Variants in WWOX observed in about 807,000 individuals in gnomAD.
WWOX encodes WW domain-containing oxidoreductase.
A neutral mutation model predicts 46.2 loss-of-function variants in WWOX; 69 were observed. The observed-to-expected ratio is 1.49, with a 90% CI of 1.23 to 1.82. The LOEUF is 1.82. Ranked by LOEUF, WWOX falls within the 40% of genes most tolerant of loss-of-function variation. The pLI, the probability that WWOX is intolerant of heterozygous loss-of-function variation, is 0.00. For synonymous variants in WWOX, 359 were observed against 202.6 expected (o/e 1.77, Z -6.56); for missense variants, 919 against 542.6 (o/e 1.69, Z -6.89).
chr16:78,859,452 C>G (rs757801094), intron 8 of WWOX, among the ~76,000 whole-genome samples: 1 of 152,030 alleles, frequency 6.6e-6, no homozygotes, highest in African/African-American at 2.4e-5. Flanking sequence ...AAAGGAAAAG[C>G]TTTTTTTACA....
chr16:78,688,342 C>T (rs1441525806), intron 8 of WWOX, among the ~76,000 whole-genome samples: 1 of 149,424 alleles, frequency 6.7e-6, no homozygotes. Flanking sequence ...CGAGATCATT[C>T]ATGATGAGTC....
intron 8 of WWOX, among the ~76,000 whole-genome samples, chr16:78,507,860 C>G (rs769728095): frequency 1.3e-5 from 2 of 152,152 alleles, no homozygotes; most frequent in Admixed American, 6.6e-5. Flanking sequence ...CAACCCATGG[C>G]CCCCGGGTCG....
At chr16:78,997,269 C>G (rs145333678) in intron 8 of WWOX, among the ~76,000 whole-genome samples, 1 of 152,248 alleles carries the variant, frequency 6.6e-6, no homozygotes, top group Non-Finnish European at 1.5e-5. Context: ...CCCAGCAAGA[C>G]ATGTTATAAT....
At chr16:78,203,113 A>G (rs1032186723) in intron 5 of WWOX, among the ~76,000 whole-genome samples, 1 of 152,182 alleles carries the variant, frequency 6.6e-6, no homozygotes, top group Non-Finnish European at 1.5e-5. Flanking sequence ...AGGGGAGGTC[A>G]AGTAAAGGCC....
At chr16:78,532,977 A>G (rs997425620) in intron 8 of WWOX, among the ~76,000 whole-genome samples, 2 of 152,216 alleles carry the variant, frequency 1.3e-5, no homozygotes, top group Non-Finnish European at 2.9e-5. Flanking sequence ...GAGGGAACAG[A>G]TGCTTGGATA....
chr16:79,083,487 C>T (rs996246948), intron 8 of WWOX, among the ~76,000 whole-genome samples: 1 of 152,170 alleles, frequency 6.6e-6, no homozygotes, highest in Non-Finnish European at 1.5e-5. Context: ...TCGGCTGTTG[C>T]AGTAGAACCT....
chr16:79,022,828 T>C (rs956267969), intron 8 of WWOX, among the ~76,000 whole-genome samples: 2 of 152,230 alleles, frequency 1.3e-5, no homozygotes, highest in Non-Finnish European at 2.9e-5. Context: ...CCGAAAGGGC[T>C]CAGCTTCTGC....
intron 8 of WWOX, chr16:79,202,826 A>G (rs2051387516): frequency 6.6e-6 from 1 of 152,228 alleles, no homozygotes; most frequent in Admixed American, 6.5e-5. Context: ...TTTACAGTCT[A>G]CATAGGGGAA....
chr16:78,823,503 A>G (rs2051562102), intron 8 of WWOX, among the ~76,000 whole-genome samples: 1 of 152,188 alleles, frequency 6.6e-6, no homozygotes, highest in South Asian at 2.1e-4. Flanking sequence ...CTGCAAAACG[A>G]GAGAGGTCAC....
At chr16:78,661,209 C>T (rs1347243235) in intron 8 of WWOX, among the ~76,000 whole-genome samples, 1 of 152,174 alleles carries the variant, frequency 6.6e-6, no homozygotes, top group Admixed American at 6.5e-5. Flanking sequence ...CTACCATTCA[C>T]ACGTGAGAAT....
rs560739386 is a variant in WWOX at position 78,545,321 on chromosome 16, C to T, written c.1056+112569C>T. Among the ~76,000 whole-genome samples, 17 of 152,156 alleles carry T rather than the reference C, an allele frequency of 1.1e-4. No individual in the cohort carries two copies. In the South Asian group the frequency reaches 1.2e-3, roughly 11 times the overall value. The stretch of plus-strand genomic sequence containing the variant: ...TCTGAGGAAATGGTTACCTGCAGGG[C>T]GATTGTGGCCTGCTCCTCGTGGGAT... On this transcript the variant is annotated intron_variant, in intron 8 of 8. Transcript: ENST00000566780.
intron 5 of WWOX, among the ~76,000 whole-genome samples, chr16:78,189,196 C>G (rs898612125): frequency 1.3e-5 from 2 of 152,166 alleles, no homozygotes; most frequent in Non-Finnish European, 1.5e-5. Context: ...TACCTAGATT[C>G]CAGAGGTGGC....
intron 8 of WWOX, among the ~76,000 whole-genome samples, chr16:78,832,623 C>G (rs189100612): frequency 1.3e-5 from 2 of 152,138 alleles, no homozygotes; most frequent in Non-Finnish European, 2.9e-5. Flanking sequence ...GCGTCCCTCT[C>G]TCCTTCCTGG....
intron 8 of WWOX, among the ~76,000 whole-genome samples, chr16:78,489,738 C>A (rs1171160853): frequency 6.6e-6 from 1 of 152,106 alleles, no homozygotes; most frequent in African/African-American, 2.4e-5. Flanking sequence ...TCTGGGTTCA[C>A]TGGGATGGCT....
At chr16:78,774,531 TGC>T (rs1555532883) in intron 8 of WWOX, among the ~76,000 whole-genome samples, 15,088 of 144,094 alleles carry the variant, frequency 0.1, 804 homozygotes, top group South Asian at 0.13. Flanking sequence ...TGTGTGTGTG[TGC>T]GCGTGCGCAC....
Position 78,577,083 on chromosome 16 carries a change from C to T in WWOX, c.1056+144331C>T, listed in dbSNP as rs114740677. Among the ~76,000 whole-genome samples, 1,096 of 152,300 alleles carry T rather than the reference C, an allele frequency of 7.2e-3. 16 individuals are homozygous for T. Among genetic ancestry groups the T allele is most frequent in the African/African-American group, 0.026 (1,068 of 41,580 alleles). ...CTATAGCTCAGGTTGAAAGTTGAGT[C>T]ATGAATTGGGGAACATTCTTCTCTT... On this transcript the variant is annotated intron_variant, in intron 8 of 8. Coordinates refer to ENST00000566780, the MANE Select transcript of WWOX (RefSeq NM_016373.4).
At chr16:78,405,421 C>A (rs947497953) in intron 6 of WWOX, among the ~76,000 whole-genome samples, 2 of 152,174 alleles carry the variant, frequency 1.3e-5, no homozygotes, top group African/African-American at 4.8e-5. Flanking sequence ...AAATTGTCGA[C>A]ATGTGACGGT....
At chr16:78,333,306 G>A (rs2080807788) in intron 5 of WWOX, among the ~76,000 whole-genome samples, 1 of 133,612 alleles carries the variant, frequency 7.5e-6, no homozygotes, top group Admixed American at 7.9e-5. Flanking sequence ...GCCTTGGCCT[G>A]CCAAAGTGCT....
rs535755549 is a variant in WWOX, at chr16:78,247,844, T to C, written c.516+83555T>C. 7.2e-5 allele frequency among the ~76,000 whole-genome samples: 11 copies of C among 152,286 alleles called. No homozygotes were observed. In the East Asian group the frequency reaches 2.1e-3, roughly 29 times the overall value. On this transcript the variant is annotated intron_variant, in intron 5 of 8. Transcript: ENST00000566780. ...TGGAGGTCTCATACTTTACTGAAGA[T>C]GTGAGGAAAGAGGACACTTATGTAG...
Sources: allele counts gnomAD v4.1 joint callset (sites outside exome capture counted in the v4.1 genomes callset), GRCh38; gene constraint gnomAD v4.1.1; transcripts MANE v1.5; gene names NCBI Gene and HGNC (gene_info 2026-07-23, HGNC 2026-07-21).